The following CNTN4 variants were observed in gnomAD, a reference collection of about 807,000 sequenced individuals.
CNTN4 encodes the protein contactin-4.
Under a neutral mutation model 122.5 loss-of-function variants are expected in CNTN4, and 77 were observed. The observed-to-expected ratio is 0.63, with a 90% CI of 0.52 to 0.76. The LOEUF (loss-of-function observed/expected upper bound fraction) is 0.76, where lower values mean the gene tolerates loss of function less well. Ranked by LOEUF, CNTN4 falls within the 30% of genes least tolerant of loss-of-function variation. The pLI is 0.00. For missense variants in CNTN4, 1,256 were observed against 1,259.1 expected (o/e 1.00, Z 0.04); for synonymous variants, 512 against 447.0 (o/e 1.15, Z -1.83).
chr3:2,562,526 C>G (rs890899796), intron 3 of CNTN4, among the ~76,000 whole-genome samples: 1 of 152,108 alleles, frequency 6.6e-6, no homozygotes, highest in Non-Finnish European at 1.5e-5. Flanking sequence ...TAATGGCCTC[C>G]AGCTGCATCC....
chr3:2,796,555 A>G (rs573634440), intron 6 of CNTN4, among the ~76,000 whole-genome samples: 1 of 152,302 alleles, frequency 6.6e-6, no homozygotes, highest in East Asian at 1.9e-4. Flanking sequence ...CACAAGCTAA[A>G]TATACTCCCA....
chr3:2,330,909 C>G (rs751325752), intron 2 of CNTN4, among the ~76,000 whole-genome samples: 10 of 152,070 alleles, frequency 6.6e-5, no homozygotes, highest in Non-Finnish European at 1.3e-4. Context: ...TAGGAAAAAT[C>G]AAATTATAAA....
intron 4 of CNTN4, among the ~76,000 whole-genome samples, chr3:2,612,715 A>T (rs2081552974): frequency 6.6e-6 from 1 of 152,178 alleles, no homozygotes; most frequent in Non-Finnish European, 1.5e-5. Flanking sequence ...CTTACTCTTT[A>T]AAGAAACCAA....
chr3:2,535,145 C>A (rs768853664), intron 3 of CNTN4, among the ~76,000 whole-genome samples: 4 of 152,120 alleles, frequency 2.6e-5, no homozygotes, highest in Non-Finnish European at 4.4e-5. Flanking sequence ...TTTGCGTCTT[C>A]TGAGAGCTAG....
chr3:2,997,945 T>C lies in CNTN4; in HGVS notation c.1486+9473T>C, dbSNP rs1254156596. ...GGAAAACATACCAACTGTCATCTTA[T>C]TAACTTTTTCCCCTTTTCTCTCTCT... is the stretch of plus-strand genomic sequence containing the variant. On this transcript the variant is annotated intron_variant, in intron 14 of 24. Transcript: ENST00000418658. Among the ~76,000 whole-genome samples the C allele has an allele frequency of 4.6e-5, 7 of 152,354 alleles. No homozygotes were observed. In the East Asian group the frequency reaches 1.3e-3, roughly 29 times the overall value.
intron 4 of CNTN4, among the ~76,000 whole-genome samples, chr3:2,606,595 T>C (rs187681772): frequency 3.3e-5 from 5 of 152,344 alleles, no homozygotes; most frequent in African/African-American, 1.2e-4. Context: ...TATGACTAAT[T>C]CCATATGCTT....
intron 4 of CNTN4, among the ~76,000 whole-genome samples, chr3:2,675,814 T>C (rs546574122): frequency 8.5e-5 from 13 of 152,342 alleles, no homozygotes; most frequent in Admixed American, 2.6e-4. Context: ...ATGCTTTCTT[T>C]GTGCTGGACA....
intron 10 of CNTN4, among the ~76,000 whole-genome samples, chr3:2,888,856 C>T (rs973361804): frequency 3.3e-5 from 5 of 151,968 alleles, no homozygotes; most frequent in African/African-American, 9.7e-5. Context: ...TATGTATATT[C>T]GGCCATTCCA....
intron 2 of CNTN4, among the ~76,000 whole-genome samples, chr3:2,172,173 T>G (rs2036546115): frequency 1.3e-5 from 2 of 151,478 alleles, no homozygotes; most frequent in Non-Finnish European, 2.9e-5. Flanking sequence ...AACCAAAGAG[T>G]GGATAAAGAA....
chr3:2,659,000 A>G (rs1357376689), intron 4 of CNTN4, among the ~76,000 whole-genome samples: 1 of 149,610 alleles, frequency 6.7e-6, no homozygotes, highest in Non-Finnish European at 1.5e-5. Context: ...ACACACACAC[A>G]CACACACACA....
In CNTN4 at chr3:2,112,897, A is replaced by G. The variant is rs1452767894; in HGVS notation, c.-145+12258A>G. On this transcript the variant is annotated intron_variant, in intron 2 of 24. Coordinates refer to ENST00000418658, the MANE Select transcript of CNTN4 (RefSeq NM_175607.3). Reference sequence around the variant, plus strand: ...CCTTGTTATGGAAATTGGCCTGACTACAGGCTTCTAGTCATTCATGCCCTA... The same window carrying G: ...CCTTGTTATGGAAATTGGCCTGACTGCAGGCTTCTAGTCATTCATGCCCTA... Among the ~76,000 whole-genome samples the G allele has an allele frequency of 2.6e-5, 4 of 152,094 alleles. No homozygotes were observed. In the East Asian group the frequency reaches 7.7e-4, roughly 29 times the overall value.
At chr3:2,440,816 T>G (rs1356033396) in intron 3 of CNTN4, among the ~76,000 whole-genome samples, 1 of 148,212 alleles carries the variant, frequency 6.7e-6, no homozygotes, top group Non-Finnish European at 1.5e-5. Flanking sequence ...AATATATTCA[T>G]ACATATATAA....
chr3:2,756,168 A>G (rs1412555496), intron 6 of CNTN4, among the ~76,000 whole-genome samples: 3 of 152,212 alleles, frequency 2.0e-5, no homozygotes, highest in Non-Finnish European at 2.9e-5. Context: ...TCAGAATCTA[A>G]TTGACTAACT....
intron 13 of CNTN4, among the ~76,000 whole-genome samples, chr3:2,932,891 C>T (rs1013514128): frequency 3.9e-5 from 6 of 152,046 alleles, no homozygotes; most frequent in Middle Eastern, 3.2e-3. Flanking sequence ...GGCGCGATCT[C>T]GGCTCCCTGC....
intron 3 of CNTN4, among the ~76,000 whole-genome samples, chr3:2,540,686 A>G (rs1039734773): frequency 6.6e-6 from 1 of 152,118 alleles, no homozygotes; most frequent in Non-Finnish European, 1.5e-5. Flanking sequence ...ATCTTTAAGT[A>G]ATTGTGAGTC....
chr3:2,848,273 A>T (rs550712954), intron 7 of CNTN4, among the ~76,000 whole-genome samples: 1 of 152,182 alleles, frequency 6.6e-6, no homozygotes, highest in Admixed American at 6.5e-5. Flanking sequence ...AGGCTTTTAA[A>T]TCATGTGTTT....
intron 2 of CNTN4, among the ~76,000 whole-genome samples, chr3:2,176,764 T>G (rs979167598): frequency 2.0e-5 from 3 of 152,148 alleles, no homozygotes; most frequent in African/African-American, 7.2e-5. Context: ...AGGAGATTGA[T>G]TGCTTTGAAA....
chr3:2,786,845 C>T (rs1559503028), intron 6 of CNTN4, among the ~76,000 whole-genome samples: 2 of 152,144 alleles, frequency 1.3e-5, no homozygotes, highest in Non-Finnish European at 2.9e-5. Context: ...TCAGGGAGAG[C>T]AGCTTTTCAG....
intron 13 of CNTN4, among the ~76,000 whole-genome samples, chr3:2,953,281 A>G (rs935097439): frequency 1.3e-5 from 2 of 152,060 alleles, no homozygotes; most frequent in Non-Finnish European, 2.9e-5. Flanking sequence ...CCCTGAGATG[A>G]CCTTTGTGAA....
Sources: allele counts gnomAD v4.1 joint callset (sites outside exome capture counted in the v4.1 genomes callset), GRCh38; gene constraint gnomAD v4.1.1; transcripts MANE v1.5; gene names NCBI Gene and HGNC (gene_info 2026-07-23, HGNC 2026-07-21).